The following HS3ST4 variants were observed in gnomAD, a reference collection of about 807,000 sequenced individuals.
HS3ST4 encodes the protein heparan sulfate-glucosamine 3-sulfotransferase 4.
HS3ST4 carries 17 observed loss-of-function variants against 29.2 expected under a neutral mutation model. That is an observed-to-expected ratio of 0.58 (90% CI 0.40 to 0.87). The LOEUF is 0.87. HS3ST4 is among the 40% of genes least tolerant of loss of function. The pLI is 0.00. For synonymous variants in HS3ST4, 314 were observed against 285.7 expected (o/e 1.10, Z -1.00); for missense variants, 627 against 634.5 (o/e 0.99, Z 0.13).
intron 1 of HS3ST4, among the ~76,000 whole-genome samples, chr16:25,832,865 A>G (rs1003798626): frequency 5.9e-5 from 9 of 152,160 alleles, no homozygotes; most frequent in Non-Finnish European, 1.3e-4. Flanking sequence ...GACTCTCTCA[A>G]TATTTCCCCA....
At chr16:25,894,124 C>T (rs1429625141) in intron 1 of HS3ST4, among the ~76,000 whole-genome samples, 5 of 152,220 alleles carry the variant, frequency 3.3e-5, no homozygotes, top group African/African-American at 1.2e-4. Context: ...CCTCAGTTCA[C>T]TCCTTTCTCT....
At chr16:26,135,497 C>T in intron 1 of HS3ST4, 115 bp from the exon 2 acceptor site, 1 of 1,007,476 alleles carries the variant, frequency 9.9e-7, no homozygotes, top group Non-Finnish European at 1.4e-6. Context: ...AAGAGTTTAT[C>T]AATTTTATTT....
At chr16:25,787,174 T>G (rs1053505457) in intron 1 of HS3ST4, among the ~76,000 whole-genome samples, 2 of 152,222 alleles carry the variant, frequency 1.3e-5, no homozygotes, top group African/African-American at 4.8e-5. Context: ...ACTAAATAAA[T>G]ATATGCCAAG....
At chr16:26,009,753 C>T (rs151221747) in intron 1 of HS3ST4, among the ~76,000 whole-genome samples, 9 of 152,328 alleles carry the variant, frequency 5.9e-5, no homozygotes, top group East Asian at 1.9e-4. Flanking sequence ...AAGCAGTTCA[C>T]GTGCTTATTA....
chr16:26,006,166 G>A (rs11863448), intron 1 of HS3ST4, among the ~76,000 whole-genome samples: 1,831 of 152,018 alleles, frequency 0.012, 45 homozygotes, highest in African/African-American at 0.042. Flanking sequence ...AGGTGTGGTG[G>A]TGCACACCTG....
At chr16:26,039,209 G>C (rs1359783709) in intron 1 of HS3ST4, among the ~76,000 whole-genome samples, 1 of 152,096 alleles carries the variant, frequency 6.6e-6, no homozygotes, top group South Asian at 2.1e-4. Context: ...TATATAAGAA[G>C]TACATGAATA....
rs928680407 is a variant in HS3ST4, at chr16:26,076,630, G to A, written c.735-58982G>A. On this transcript the variant is annotated intron_variant, in intron 1 of 1. Coordinates refer to ENST00000331351, the MANE Select transcript of HS3ST4 (RefSeq NM_006040.3). ...ATTTGGTTAGCTGGGAAAGAAACTA[G>A]CAGTTTCTTCATCTCTGAACTGGGA... 2.6e-5 allele frequency among the ~76,000 whole-genome samples: 4 copies of A among 152,146 alleles called. No homozygotes were observed. In the East Asian group the frequency reaches 7.7e-4, roughly 29 times the overall value.
chr16:25,943,132 A>G (rs535953095), intron 1 of HS3ST4, among the ~76,000 whole-genome samples: 1 of 152,178 alleles, frequency 6.6e-6, no homozygotes, highest in Admixed American at 6.5e-5. Flanking sequence ...TTATTTTATT[A>G]TTTTATTTTT....
chr16:26,102,476 G>A (rs1158806153), intron 1 of HS3ST4, among the ~76,000 whole-genome samples: 1 of 151,856 alleles, frequency 6.6e-6, no homozygotes, highest in Admixed American at 6.6e-5. Flanking sequence ...TTCTCCCTTC[G>A]TGGTGCCATT....
intron 1 of HS3ST4, among the ~76,000 whole-genome samples, chr16:26,027,797 T>TTAA (rs1230966224): frequency 1.3e-5 from 2 of 152,142 alleles, no homozygotes; most frequent in African/African-American, 4.8e-5. Flanking sequence ...TAGGAGAAGT[T>TTAA]TAATACTTGT....
chr16:25,919,203 T>G (rs188452770), intron 1 of HS3ST4, among the ~76,000 whole-genome samples: 2 of 151,746 alleles, frequency 1.3e-5, no homozygotes, highest in South Asian at 4.2e-4. Context: ...AATTTTAAAA[T>G]TTTTTTTTGT....
rs543954684 is a variant in HS3ST4 at position 25,848,149 on chromosome 16, T to A, written c.734+154998T>A. On this transcript the variant is annotated intron_variant, in intron 1 of 1. Transcript: ENST00000331351. Reference sequence around the variant, plus strand: ...TAGGTATTTGCTAACTTTTTTTTTTTATTTTTTGAGACAGAGTCTTGCTCT... The same window carrying A: ...TAGGTATTTGCTAACTTTTTTTTTTAATTTTTTGAGACAGAGTCTTGCTCT... Among the ~76,000 whole-genome samples, 4 of 152,176 alleles carry A rather than the reference T, an allele frequency of 2.6e-5. No homozygotes were observed. In the South Asian group the frequency reaches 8.3e-4, roughly 32 times the overall value.
intron 1 of HS3ST4, among the ~76,000 whole-genome samples, chr16:26,021,776 G>T (rs1450797418): frequency 6.6e-6 from 1 of 152,060 alleles, no homozygotes; most frequent in East Asian, 1.9e-4. Flanking sequence ...TGATTCTCCT[G>T]CCTCAGCCTC....
At chr16:25,764,826 A>C (rs1015292755) in intron 1 of HS3ST4, among the ~76,000 whole-genome samples, 1 of 152,242 alleles carries the variant, frequency 6.6e-6, no homozygotes. Flanking sequence ...GATCTTGGTG[A>C]AATCCTTTTC....
chr16:25,918,226 T>C (rs1016412341), intron 1 of HS3ST4, among the ~76,000 whole-genome samples: 1 of 152,238 alleles, frequency 6.6e-6, no homozygotes, highest in African/African-American at 2.4e-5. Flanking sequence ...TGGTTTTATT[T>C]GGTCCATCAA....
rs141772629 is a variant in HS3ST4, at chr16:25,710,093, C to T, written c.734+16942C>T. The stretch of plus-strand genomic sequence containing the variant: ...CATTCTTTTCATTTAAAGTGAGGCT[C>T]ACAATATAGAATTAAGTGTGATTTA... On this transcript the variant is annotated intron_variant, in intron 1 of 1. Coordinates refer to ENST00000331351, the MANE Select transcript of HS3ST4 (RefSeq NM_006040.3). Among the ~76,000 whole-genome samples the T allele has an allele frequency of 5.5e-3, 832 of 152,222 alleles. 7 individuals are homozygous for T. Among genetic ancestry groups the T allele is most frequent in the African/African-American group, 0.019 (783 of 41,514 alleles).
intron 1 of HS3ST4, among the ~76,000 whole-genome samples, chr16:25,862,162 CATAT>C (rs1450801076): frequency 4.9e-5 from 5 of 101,628 alleles, no homozygotes; most frequent in Admixed American, 1.1e-4. Flanking sequence ...TATTTATTTA[CATAT>C]TTATTTATTT....
intron 1 of HS3ST4, among the ~76,000 whole-genome samples, chr16:25,965,481 G>GAA (rs1968834179): frequency 6.6e-6 from 1 of 151,986 alleles, no homozygotes; most frequent in Non-Finnish European, 1.5e-5. Flanking sequence ...AGTCAGAACA[G>GAA]CTGAGGTTGT....
chr16:26,113,178 A>T (rs1231307256), intron 1 of HS3ST4, among the ~76,000 whole-genome samples: 1 of 152,222 alleles, frequency 6.6e-6, no homozygotes, highest in African/African-American at 2.4e-5. Flanking sequence ...TAAGCAGAAC[A>T]TTATGCCATT....
Sources: gnomAD v4.1 joint callset for allele counts (sites outside exome capture counted in the v4.1 genomes callset) on GRCh38, gnomAD v4.1.1 for gene constraint, MANE v1.5 for transcripts, NCBI Gene and HGNC (gene_info 2026-07-23, HGNC 2026-07-21) for gene names.